The following PCDHGA3 variants were observed in gnomAD, a reference collection of about 807,000 sequenced individuals.
The protein encoded by PCDHGA3 is protocadherin gamma-A3.
A neutral mutation model predicts 58.5 loss-of-function variants in PCDHGA3; 40 were observed. The observed-to-expected ratio is 0.68, with a 90% CI of 0.53 to 0.89. The LOEUF (loss-of-function observed/expected upper bound fraction) is 0.89, where lower values mean the gene tolerates loss of function less well. Among genes scored for constraint, PCDHGA3 ranks in the 40% least tolerant of loss-of-function variants. PCDHGA3 has a pLI of 0.00. For synonymous variants in PCDHGA3, 530 were observed against 525.7 expected (o/e 1.01, Z -0.11); for missense variants, 1,223 against 1,195.9 (o/e 1.02, Z -0.33).
At chr5:141,374,700 C>T in intron 1 of PCDHGA3, 1 of 1,608,752 alleles carries the variant, frequency 6.2e-7, no homozygotes, top group Non-Finnish European at 8.5e-7. Context: ...GAAGGAGAAG[C>T]CGTTTACCGC....
intron 1 of PCDHGA3, among the ~76,000 whole-genome samples, chr5:141,456,250 C>T (rs1244300374): frequency 4.6e-5 from 7 of 152,014 alleles, no homozygotes; most frequent in African/African-American, 1.7e-4. Context: ...AGGCTTTGGG[C>T]GACCATTGCT....
intron 1 of PCDHGA3, among the ~76,000 whole-genome samples, chr5:141,472,688 A>G (rs970538300): frequency 2.0e-5 from 3 of 151,384 alleles, no homozygotes; most frequent in African/African-American, 7.3e-5. Context: ...CATTTCCCCT[A>G]GAAATAAGTG....
At chr5:141,374,860 A>C in intron 1 of PCDHGA3, 1 of 1,613,772 alleles carries the variant, frequency 6.2e-7, no homozygotes, top group East Asian at 2.2e-5. Context: ...CAGTAGGCAC[A>C]CCAGTGTTGG....
At chr5:141,388,340 T>C in intron 1 of PCDHGA3, 1 of 1,613,994 alleles carries the variant, frequency 6.2e-7, no homozygotes, top group South Asian at 1.1e-5. Context: ...GCACACGATT[T>C]ATATTAGGAT....
intron 1 of PCDHGA3, chr5:141,356,962 G>C: frequency 6.2e-7 from 1 of 1,614,224 alleles, no homozygotes; most frequent in Non-Finnish European, 8.5e-7. Context: ...CGGCTACCTG[G>C]TGACCAAAGT....
rs1285653916 is a variant in PCDHGA3, at chr5:141,388,617, G to A, written c.2424+42160G>A. ...TGATAATGCTCCAGTGTTCAGTCAA[G>A]ACGTATACAGGGTGAGCCTTTCAGA... is the stretch of plus-strand genomic sequence containing the variant. On this transcript the variant is annotated intron_variant, in intron 1 of 3. Coordinates refer to ENST00000253812, the MANE Select transcript of PCDHGA3 (RefSeq NM_018916.4). The A allele has an allele frequency of 3.1e-6, 5 of 1,613,920 alleles. No individual in the cohort carries two copies. The South Asian group carries it at 5.5e-5, about 18-fold the overall frequency.
intron 1 of PCDHGA3, chr5:141,408,120 C>T (rs1375123891): frequency 3.4e-6 from 5 of 1,475,704 alleles, no homozygotes. Flanking sequence ...TCCTCCTGTC[C>T]TGGGCCGAAT....
Position 141,511,410 on chromosome 5 carries a change from T to TA in PCDHGA3, c.*238dup. On this transcript the variant is annotated 3_prime_UTR_variant, in exon 4 of 4. Coordinates refer to ENST00000253812, the MANE Select transcript of PCDHGA3 (RefSeq NM_018916.4). ...GGAACCCCCATCCAATCAACTGCTG[T>TA]ACCCATGGGGGTAGTGGGGTTACTG... The TA allele has an allele frequency of 1.1e-6, 1 of 908,822 alleles. No homozygotes were observed. The highest frequency in any genetic ancestry group is 1.6e-6 in the Non-Finnish European group (1 of 624,204). 56.3% of individuals were successfully genotyped at this position (908,822 alleles called of 1,614,324 possible).
At chr5:141,361,044 A>C (rs757892379) in intron 1 of PCDHGA3, 6 of 1,613,540 alleles carry the variant, frequency 3.7e-6, no homozygotes, top group East Asian at 2.2e-5. Context: ...AAATCACGAC[A>C]AAGGATGATT....
chr5:141,404,517 A>G lies in PCDHGA3; in HGVS notation c.2424+58060A>G, dbSNP rs1268035794. On this transcript the variant is annotated intron_variant, in intron 1 of 3. Transcript: ENST00000253812. The stretch of plus-strand genomic sequence containing the variant: ...CTGTATGCTCTGTGCTCCTTTGACT[A>G]TGAGCAGTTTAGAGATTTGCAAATG... 5 of 1,613,938 alleles carry G rather than the reference A, an allele frequency of 3.1e-6. No homozygotes were observed. Among genetic ancestry groups the G allele is most frequent in the Non-Finnish European group, 3.4e-6 (4 of 1,179,844 alleles).
chr5:141,482,530 C>CAAAAAAAAAAA (rs3074545), intron 1 of PCDHGA3, among the ~76,000 whole-genome samples: 21 of 76,546 alleles, frequency 2.7e-4, no homozygotes, highest in African/African-American at 4.8e-4. Context: ...GACAGACATG[C>CAAAAAAAAAAA]AAAAAAAAAA....
rs750214310 is a variant in PCDHGA3 at position 141,432,447 on chromosome 5, T to C, written c.2425-62360T>C. 1 of 1,614,202 alleles carries C rather than the reference T, an allele frequency of 6.2e-7. No homozygotes were observed. Among genetic ancestry groups the C allele is most frequent in the South Asian group, 1.1e-5 (1 of 91,072 alleles). ...CAGAACGACAATGCGCCCGAGATCCTGTACCCCGCCCTCCCCACGGACGGT... is the reference window on the plus strand; with the variant it reads ...CAGAACGACAATGCGCCCGAGATCCCGTACCCCGCCCTCCCCACGGACGGT... On this transcript the variant is annotated intron_variant, in intron 1 of 3. Coordinates refer to ENST00000253812, the MANE Select transcript of PCDHGA3 (RefSeq NM_018916.4). This position sits in a 1 kb window ranked among gnomAD's most constrained non-coding sequence, Gnocchi z 6.0.
Position 141,422,436 on chromosome 5 carries a change from C to T in PCDHGA3, c.2425-72371C>T, listed in dbSNP as rs200737047. The T allele has an allele frequency of 1.2e-5, 20 of 1,609,634 alleles. No homozygotes were observed. The East Asian group carries it at 4.0e-4, about 32-fold the overall frequency. On this transcript the variant is annotated intron_variant, in intron 1 of 3. Coordinates refer to ENST00000253812, the MANE Select transcript of PCDHGA3 (RefSeq NM_018916.4). The stretch of plus-strand genomic sequence containing the variant: ...TAGAAAAGACTTATGGAAATTATTA[C>T]AAATTGATAACAAGCAGAGTGCTGG...
At chr5:141,346,564 A>G in intron 1 of PCDHGA3, 107 bp downstream of exon 1, 1 of 1,461,188 alleles carries the variant, frequency 6.8e-7, no homozygotes, top group Non-Finnish European at 9.2e-7. Flanking sequence ...GGTTGTCATT[A>G]GTCCTTTGAC....
chr5:141,350,741 G>C, intron 1 of PCDHGA3: 1 of 1,613,944 alleles, frequency 6.2e-7, no homozygotes, highest in South Asian at 1.1e-5. Flanking sequence ...AGATGTGGAA[G>C]GCAATTCACT....
In PCDHGA3 at chr5:141,477,681, T is replaced by G; in HGVS notation, c.2425-17126T>G. On this transcript the variant is annotated intron_variant, in intron 1 of 3. Transcript: ENST00000253812. This position sits in a 1 kb window ranked among gnomAD's most constrained non-coding sequence, Gnocchi z 4.9. ...CGTGACAATGGCATAGTGTCATCCT[T>G]AGTGCCCCTAGACTATGAGGATCGG... 1 of 1,614,180 alleles carries G rather than the reference T, an allele frequency of 6.2e-7. No individual in the cohort carries two copies. Among genetic ancestry groups the G allele is most frequent in the Non-Finnish European group, 8.5e-7 (1 of 1,180,046 alleles).
In PCDHGA3 at chr5:141,346,258, G is replaced by T. The variant is rs1344567118; in HGVS notation, c.2225G>T (p.Gly742Val). The change falls in exon 1 of 4, where the codon GGC becomes GTC. Residue 742 changes from glycine (G) to valine (V), a missense_variant. Physicochemically the swap from Gly to Val is moderately radical, Grantham distance 109 (BLOSUM62 -3). Around this residue, in one of 3 missense-constraint regions of PCDHGA3, gnomAD observed 325 missense variants for 327.5 expected, o/e 0.99. Coordinates refer to ENST00000253812, the MANE Select transcript of PCDHGA3 (RefSeq NM_018916.4). ...LASTPGSHFVGADGVRAFLQT... is the reference protein window; with the variant it reads ...LASTPGSHFVVADGVRAFLQT... ...AGTACGCCCGGCTCGCACTTTGTGG[G>T]CGCGGACGGGGTTCGGGCTTTCCTG... 1.2e-6 allele frequency: 2 copies of T among 1,614,210 alleles called. No homozygotes were observed.
intron 2 of PCDHGA3, among the ~76,000 whole-genome samples, chr5:141,500,892 G>GAT (rs1036007799): frequency 1.1e-5 from 1 of 88,010 alleles, no homozygotes; most frequent in African/African-American, 7.1e-5. Flanking sequence ...TTTTTTTTGA[G>GAT]ACAGTCTCGC....
intron 1 of PCDHGA3, chr5:141,362,530 C>A: frequency 6.2e-7 from 1 of 1,613,936 alleles, no homozygotes. Context: ...CGCTGGGGTC[C>A]CTTTTGCCTC....
Sources: gnomAD v4.1 joint callset for allele counts (sites outside exome capture counted in the v4.1 genomes callset) on GRCh38, gnomAD v4.1.1 for gene constraint, gnomAD v4.1.1 regional missense constraint, Gnocchi (gnomAD v3.1) non-coding constraint, MANE v1.5 for transcripts, NCBI Gene and HGNC (gene_info 2026-07-23, HGNC 2026-07-21) for gene names.